The following CACNA2D3 variants were observed in gnomAD, a reference collection of about 807,000 sequenced individuals.
CACNA2D3 encodes calcium voltage-gated channel auxiliary subunit alpha2delta 3, also known as voltage-dependent calcium channel subunit alpha-2/delta-3.
In CACNA2D3, 60 loss-of-function variants were observed where a neutral mutation model predicts 160.6. That is an observed-to-expected ratio of 0.37 (90% confidence interval 0.30 to 0.46). The LOEUF is 0.46. CACNA2D3 is among the 20% of genes least tolerant of loss of function. The probability of loss-of-function intolerance (pLI) is 1.00; values close to 1 mark genes in which losing one functional copy is unlikely to be tolerated. For missense variants in CACNA2D3, 1,205 were observed against 1,365.0 expected (o/e 0.88, Z 1.85); for synonymous variants, 558 against 492.9 (o/e 1.13, Z -1.75).
chr3:54,368,219 C>G (rs1575418024), intron 3 of CACNA2D3, among the ~76,000 whole-genome samples: 1 of 152,178 alleles, frequency 6.6e-6, no homozygotes, highest in Non-Finnish European at 1.5e-5. Context: ...CCTGTAATCT[C>G]AGCACTTTGG....
intron 5 of CACNA2D3, among the ~76,000 whole-genome samples, chr3:54,536,665 C>T (rs914266383): frequency 6.6e-6 from 1 of 152,206 alleles, no homozygotes; most frequent in African/African-American, 2.4e-5. Context: ...GGCCCTGGGC[C>T]ACAGCCAGCA....
At chr3:54,607,152 C>A (rs1575377819) in intron 9 of CACNA2D3, among the ~76,000 whole-genome samples, 1 of 152,108 alleles carries the variant, frequency 6.6e-6, no homozygotes, top group Admixed American at 6.6e-5. Context: ...ATTAAGGGAG[C>A]CCCTGGGCAG....
In CACNA2D3 at chr3:54,741,673, A is replaced by G. The variant is rs559908461; in HGVS notation, c.1168-10926A>G. On this transcript the variant is annotated intron_variant, in intron 11 of 37. Transcript: ENST00000474759. Reference sequence around the variant, plus strand: ...TTTGTTGTAAATTAGGGATCCATGTATGTGTTGGTCTGCTTTGGAGTTTTC... The same window carrying G: ...TTTGTTGTAAATTAGGGATCCATGTGTGTGTTGGTCTGCTTTGGAGTTTTC... Among the ~76,000 whole-genome samples, 27 of 151,632 alleles carry G rather than the reference A, an allele frequency of 1.8e-4. No homozygotes were observed. In the South Asian group the frequency reaches 5.6e-3, roughly 32 times the overall value.
rs1700893665 is a variant in CACNA2D3 at position 54,708,392 on chromosome 3, T to A, written c.1168-44207T>A. 2.6e-5 allele frequency among the ~76,000 whole-genome samples: 4 copies of A among 152,228 alleles called. No individual in the cohort carries two copies. The South Asian group carries it at 8.3e-4, about 31-fold the overall frequency. Reference sequence around the variant, plus strand: ...TTTAAGGTTTAGATTACTAGCTGTGTGGCCCACTCTGTAGAGCTACCAAAG... The same window carrying A: ...TTTAAGGTTTAGATTACTAGCTGTGAGGCCCACTCTGTAGAGCTACCAAAG... On this transcript the variant is annotated intron_variant, in intron 11 of 37. Coordinates refer to ENST00000474759, the MANE Select transcript of CACNA2D3 (RefSeq NM_018398.3).
intron 13 of CACNA2D3, among the ~76,000 whole-genome samples, chr3:54,782,019 GCATATTGAACCAATCCA>G (rs1210374415): frequency 1.6e-4 from 25 of 152,334 alleles, no homozygotes; most frequent in Admixed American, 1.3e-3. Context: ...GGCTCCTGCA[GCATATTGAACCAATCCA>G]CAGAGTGGAT....
rs1698697575 is a variant in CACNA2D3, at chr3:54,836,655, C to G, written c.1399-504C>G. Among the ~76,000 whole-genome samples, 5 of 152,082 alleles carry G rather than the reference C, an allele frequency of 3.3e-5. No homozygotes were observed. The South Asian group carries it at 1.0e-3, about 32-fold the overall frequency. Reference sequence around the variant, plus strand: ...TTGTTTTCCATCTGGGACTGGCATTCAGAGACCCAGAGAGGTAAAACAGCC... The same window carrying G: ...TTGTTTTCCATCTGGGACTGGCATTGAGAGACCCAGAGAGGTAAAACAGCC... On this transcript the variant is annotated intron_variant, in intron 14 of 37. Transcript: ENST00000474759.
chr3:54,668,442 C>T (rs754551836), intron 11 of CACNA2D3, among the ~76,000 whole-genome samples: 5 of 152,166 alleles, frequency 3.3e-5, no homozygotes, highest in Admixed American at 6.5e-5. Flanking sequence ...GGTTCACCTC[C>T]GCCATTGTTC....
chr3:54,528,511 T>C (rs535571668), intron 5 of CACNA2D3, among the ~76,000 whole-genome samples: 36 of 152,308 alleles, frequency 2.4e-4, no homozygotes, highest in African/African-American at 7.5e-4. Context: ...CCAATGGAAA[T>C]GCCCCTCTTG....
At chr3:54,840,968 C>T (rs866604898) in intron 16 of CACNA2D3, among the ~76,000 whole-genome samples, 102 of 152,140 alleles carry the variant, frequency 6.7e-4, no homozygotes, top group African/African-American at 2.2e-3. Context: ...ATGATCCACC[C>T]GCCTCAGCCT....
intron 8 of CACNA2D3, among the ~76,000 whole-genome samples, chr3:54,577,334 G>T (rs1702601679): frequency 6.6e-6 from 1 of 152,136 alleles, no homozygotes; most frequent in African/African-American, 2.4e-5. Flanking sequence ...CAAAGACCCC[G>T]GTCCCTGGGA....
At chr3:54,343,488 G>C (rs1226244894) in intron 3 of CACNA2D3, among the ~76,000 whole-genome samples, 2 of 151,926 alleles carry the variant, frequency 1.3e-5, no homozygotes, top group Non-Finnish European at 2.9e-5. Flanking sequence ...TTCACCATGT[G>C]GCCCAGGCTG....
intron 11 of CACNA2D3, among the ~76,000 whole-genome samples, chr3:54,709,257 C>T (rs557289404): frequency 2.4e-4 from 37 of 152,042 alleles, no homozygotes; most frequent in Non-Finnish European, 3.8e-4. Flanking sequence ...TCAAGTGATC[C>T]GCCTGCCTTG....
chr3:54,751,664 T>C (rs980540875), intron 11 of CACNA2D3, among the ~76,000 whole-genome samples: 2 of 152,150 alleles, frequency 1.3e-5, no homozygotes, highest in African/African-American at 2.4e-5. Context: ...ATAGGAGCAC[T>C]TGACCCATCA....
At chr3:54,811,132 C>T (rs1703299635) in intron 13 of CACNA2D3, among the ~76,000 whole-genome samples, 1 of 152,166 alleles carries the variant, frequency 6.6e-6, no homozygotes, top group Admixed American at 6.5e-5. Context: ...GGGACATGAG[C>T]TTCATATTTC....
intron 18 of CACNA2D3, 145 bp from the exon 19 acceptor site, chr3:54,878,873 G>GCCTGTCTCC: frequency 1.9e-6 from 1 of 530,368 alleles, no homozygotes; most frequent in South Asian, 3.1e-5. Context: ...TTGTACATGA[G>GCCTGTCTCC]CAGTTGGGTG....
At chr3:54,221,468 A>G (rs1701568551) in intron 2 of CACNA2D3, among the ~76,000 whole-genome samples, 1 of 152,232 alleles carries the variant, frequency 6.6e-6, no homozygotes, top group Non-Finnish European at 1.5e-5. Context: ...CTTGCCTTTA[A>G]CAAGAACCAT....
chr3:54,963,167 A>G (rs1172202082), intron 27 of CACNA2D3, among the ~76,000 whole-genome samples: 3 of 152,136 alleles, frequency 2.0e-5, no homozygotes, highest in Non-Finnish European at 4.4e-5. Context: ...GGTTCATTCA[A>G]ACTCATTTCC....
At chr3:54,335,018 C>T (rs1005793433) in intron 3 of CACNA2D3, among the ~76,000 whole-genome samples, 1 of 152,170 alleles carries the variant, frequency 6.6e-6, no homozygotes, top group South Asian at 2.1e-4. Flanking sequence ...CAAATGAGAA[C>T]ATTGATGTAA....
rs1420764390 is a variant in CACNA2D3, at chr3:54,394,560, A to G, written c.381+7786A>G. ...GTTCAATTCCCACCTATGAGTGAGAATATGCGGTGTTTGGTTTTTTGTTCT... is the reference window on the plus strand; with the variant it reads ...GTTCAATTCCCACCTATGAGTGAGAGTATGCGGTGTTTGGTTTTTTGTTCT... On this transcript the variant is annotated intron_variant, in intron 4 of 37. Transcript: ENST00000474759. Among the ~76,000 whole-genome samples, 5 of 123,348 alleles carry G rather than the reference A, an allele frequency of 4.1e-5. No individual in the cohort carries two copies. The Admixed American group carries it at 4.4e-4, about 11-fold the overall frequency. The allele number at this position is 123,348 out of a possible 152,430, so 80.9% of individuals were successfully genotyped here. A position where few individuals can be genotyped will look rare whatever the true frequency, so the allele number is the denominator to read the frequency against.
Sources: allele counts gnomAD v4.1 joint callset (sites outside exome capture counted in the v4.1 genomes callset), GRCh38; gene constraint gnomAD v4.1.1; transcripts MANE v1.5; gene names NCBI Gene and HGNC (gene_info 2026-07-23, HGNC 2026-07-21).